The following ESAM variants were observed in gnomAD, a reference collection of about 807,000 sequenced individuals.
ESAM encodes endothelial cell-selective adhesion molecule.
ESAM carries 23 observed loss-of-function variants against 31.8 expected under a neutral mutation model. The ratio of observed to expected loss-of-function variants is 0.72; its 90% CI spans 0.52 to 1.03. ESAM has a LOEUF of 1.03. Among genes scored for constraint, ESAM ranks in the 50% least tolerant of loss-of-function variants. The pLI, the probability that ESAM is intolerant of heterozygous loss-of-function variation, is 0.00. For missense variants in ESAM, 478 were observed against 488.9 expected (o/e 0.98, Z 0.21); for synonymous variants, 216 against 207.2 (o/e 1.04, Z -0.37).
At position 124,758,324 on chromosome 11, in the gene ESAM, T is replaced by G. The variant is rs748119305; in HGVS notation, c.249+25A>C. ...ACCCCCTCTGGGCGCAACTTGCCGC[T>G]GGCTGACAGGCGTTCTTCCCTCACC... On this transcript the variant is annotated intron_variant, in intron 2 of 6. Coordinates refer to ENST00000278927, the MANE Select transcript of ESAM (RefSeq NM_138961.3). 8 of 1,613,864 alleles carry G rather than the reference T, an allele frequency of 5.0e-6. No homozygotes were observed. The East Asian group carries it at 1.3e-4, about 27-fold the overall frequency.
chr11:124,760,641 C>T (rs532107963), intron 1 of ESAM, among the ~76,000 whole-genome samples: 2 of 152,350 alleles, frequency 1.3e-5, no homozygotes, highest in Non-Finnish European at 2.9e-5. Flanking sequence ...AACTGGGCAA[C>T]CCCCCAGGGG....
At chr11:124,758,889 T>C (rs1012317267) in intron 1 of ESAM, among the ~76,000 whole-genome samples, 2 of 152,194 alleles carry the variant, frequency 1.3e-5, no homozygotes, top group African/African-American at 4.8e-5. Flanking sequence ...ACTGTTTCTG[T>C]CGTACGCGCC....
At chr11:124,760,212 C>T (rs146380805) in intron 1 of ESAM, among the ~76,000 whole-genome samples, 2 of 152,362 alleles carry the variant, frequency 1.3e-5, no homozygotes, top group East Asian at 3.9e-4. Context: ...GGCTTTTCTG[C>T]TCTCCCTCCT....
chr11:124,754,416 C>T lies in ESAM; in HGVS notation c.731-76G>A. ...CCCTCTCCAATCCCACTCTCCCCACCCCATCTGCCACCATACACATTCCCT... is the reference window on the plus strand; with the variant it reads ...CCCTCTCCAATCCCACTCTCCCCACTCCATCTGCCACCATACACATTCCCT... On this transcript the variant is annotated intron_variant, in intron 5 of 6. Coordinates refer to ENST00000278927, the MANE Select transcript of ESAM (RefSeq NM_138961.3). The surrounding 1 kb of genome is among the most constrained non-coding windows in gnomAD (Gnocchi z 4.5). 1.3e-6 allele frequency: 2 copies of T among 1,563,112 alleles called. No homozygotes were observed. Among genetic ancestry groups the T allele is most frequent in the Middle Eastern group, 1.7e-4 (1 of 5,824 alleles).
rs1262788847 is a variant in ESAM at position 124,753,920 on chromosome 11, CTCT to C, written c.896_898del (p.Lys299del). The C allele has an allele frequency of 1.9e-6, 3 of 1,613,994 alleles. No individual in the cohort carries two copies. The highest frequency in any genetic ancestry group is 2.5e-6 in the Non-Finnish European group (3 of 1,180,014). ...CCCATTCTTGGAGATTGTGTCTGAGCTCTTGGGCCAGGGCAGGGTCCGGGGAGC... is the reference window on the plus strand; with the variant it reads ...CCCATTCTTGGAGATTGTGTCTGAGCTGGGCCAGGGCAGGGTCCGGGGAGC... On this transcript the variant is annotated inframe_deletion, in exon 7 of 7. Transcript: ENST00000278927.
At position 124,758,450 on chromosome 11, in the gene ESAM, GCAC is replaced by G; in HGVS notation, c.145_147del (p.Val49del). 6.2e-7 allele frequency: 1 copy of G among 1,613,764 alleles called. No homozygotes were observed. The highest frequency in any genetic ancestry group is 8.5e-7 in the Non-Finnish European group (1 of 1,179,860). On this transcript the variant is annotated inframe_deletion, in exon 2 of 7. Coordinates refer to ENST00000278927, the MANE Select transcript of ESAM (RefSeq NM_138961.3). ...CCGTGCAAGGTGTACCACGCTGGAA[GCAC>G]CACTTCCCCTCCCTCCACCGCCTGC...
In ESAM at chr11:124,753,846, G is replaced by A; in HGVS notation, c.973C>T (p.Pro325Ser). The change falls in exon 7 of 7, where the codon CCT becomes TCT. Residue 325 changes from proline (P) to serine (S), a missense_variant. Coordinates refer to ENST00000278927, the MANE Select transcript of ESAM (RefSeq NM_138961.3). ...GGGGTCAATGCACCAGGCCTGGGAGGGCCATGGGGTGGCCGGAGGGCTCGT... is the reference window on the plus strand; with the variant it reads ...GGGGTCAATGCACCAGGCCTGGGAGAGCCATGGGGTGGCCGGAGGGCTCGT... ...SARALRPPHG[P>S]PRPGALTPTP... is the part of the protein sequence containing the mutation. 14 of 1,613,780 alleles carry A rather than the reference G, an allele frequency of 8.7e-6. No individual in the cohort carries two copies. The highest frequency in any genetic ancestry group is 1.2e-5 in the Non-Finnish European group (14 of 1,179,866).
At chr11:124,756,925 C>G (rs1279007236) in intron 2 of ESAM, 183 bp from the exon 3 acceptor site, 8 of 622,246 alleles carry the variant, frequency 1.3e-5, no homozygotes, top group Non-Finnish European at 2.0e-5. Context: ...CCCCTGGGTC[C>G]TCTTCACCAG....
chr11:124,754,011 G>A lies in ESAM; in HGVS notation c.858-50C>T, dbSNP rs369000673. On this transcript the variant is annotated intron_variant, in intron 6 of 6. Coordinates refer to ENST00000278927, the MANE Select transcript of ESAM (RefSeq NM_138961.3). This position sits in a 1 kb window ranked among gnomAD's most constrained non-coding sequence, Gnocchi z 4.5. Reference sequence around the variant, plus strand: ...GGTCAGAAGTGGGTGGGGGAAGGAGGAGAGAGTTTCTACCTGCTTGGTCTT... The same window carrying A: ...GGTCAGAAGTGGGTGGGGGAAGGAGAAGAGAGTTTCTACCTGCTTGGTCTT... 1.7e-4 allele frequency: 272 copies of A among 1,598,068 alleles called. No homozygotes were observed. Among genetic ancestry groups the A allele is most frequent in the Non-Finnish European group, 2.2e-4 (263 of 1,172,166 alleles).
chr11:124,757,022 A>G, intron 2 of ESAM: 1 of 458,518 alleles, frequency 2.2e-6, no homozygotes, highest in African/African-American at 2.0e-5. Flanking sequence ...GGACATGTAA[A>G]TAGGAGGTAT....
chr11:124,760,752 G>A (rs1056990113), intron 1 of ESAM, among the ~76,000 whole-genome samples: 4 of 152,208 alleles, frequency 2.6e-5, no homozygotes, highest in African/African-American at 9.7e-5. Context: ...GTGAAGCCTG[G>A]GACACTCAGG....
At chr11:124,761,120 T>G (rs1418447928) in intron 1 of ESAM, among the ~76,000 whole-genome samples, 1 of 152,198 alleles carries the variant, frequency 6.6e-6, no homozygotes, top group African/African-American at 2.4e-5. Context: ...TTCCCAGGCC[T>G]TACTTGTCCT....
rs765707283 is a variant in ESAM at position 124,756,601 on chromosome 11, GCACATT to G, written c.385_390del (p.Asn129_Val130del). The G allele has an allele frequency of 6.2e-7, 1 of 1,614,122 alleles. No homozygotes were observed. Among genetic ancestry groups the G allele is most frequent in the Non-Finnish European group, 8.5e-7 (1 of 1,180,028 alleles). On this transcript the variant is annotated inframe_deletion, in exon 3 of 7. Transcript: ENST00000278927. ...CCCCTAGATTTGCCTTGTTTGTCTT[GCACATT>G]CACGGAGCAGCTGTAGGGGCCAGAG... is the stretch of plus-strand genomic sequence containing the variant.
chr11:124,756,200 T>C lies in ESAM; in HGVS notation c.607+7A>G, dbSNP rs368969134. The stretch of plus-strand genomic sequence containing the variant: ...ACAGTGTCCACTGTTTCCAGTAGTG[T>C]CCTCACCTAATGCTGGTGCAAAGAA... On this transcript the variant is annotated splice_region_variant and intron_variant, in intron 4 of 6. Coordinates refer to ENST00000278927, the MANE Select transcript of ESAM (RefSeq NM_138961.3). 3.7e-6 allele frequency: 6 copies of C among 1,613,228 alleles called. No individual in the cohort carries two copies. Among genetic ancestry groups the C allele is most frequent in the Non-Finnish European group, 5.1e-6 (6 of 1,179,958 alleles).
At chr11:124,758,253 C>G (rs1944179801) in intron 2 of ESAM, 96 bp downstream of exon 2, 4 of 1,438,582 alleles carry the variant, frequency 2.8e-6, no homozygotes, top group African/African-American at 1.4e-5. Context: ...TCCCCGGCCC[C>G]CATTCCCTCT....
intron 2 of ESAM, chr11:124,757,542 A>T (rs894070199): frequency 1.3e-5 from 2 of 152,180 alleles, no homozygotes; most frequent in African/African-American, 4.8e-5. Flanking sequence ...GTCAAAACAG[A>T]TGGGTGGGAG....
Position 124,753,950 on chromosome 11 carries a change from A to AT in ESAM, c.868dup (p.Ile290AsnfsTer110). On this transcript the variant is annotated frameshift_variant, in exon 7 of 7. Transcript: ENST00000278927. LOFTEE classifies it high-confidence loss of function. ...GGGCCAGGGCAGGGTCCGGGGAGCA[A>AT]TGGCATCCTCCCTAGTCATCAAAGA... 1 of 1,613,506 alleles carries AT rather than the reference A, an allele frequency of 6.2e-7. No homozygotes were observed. The highest frequency in any genetic ancestry group is 8.5e-7 in the Non-Finnish European group (1 of 1,179,914).
chr11:124,753,139 A>G lies in ESAM; in HGVS notation c.*507T>C, dbSNP rs12276189. On this transcript the variant is annotated 3_prime_UTR_variant, in exon 7 of 7. Coordinates refer to ENST00000278927, the MANE Select transcript of ESAM (RefSeq NM_138961.3). ...AAAGGCAACTTGTTTCTTATCTCAT[A>G]CAAACATTATGTATCTTTATTTAAA... 0.017 allele frequency: 2,840 copies of G among 166,304 alleles called. 106 individuals carry two copies. Among genetic ancestry groups the G allele is most frequent in the African/African-American group, 0.063 (2,652 of 41,892 alleles). The allele number at this position is 166,304 out of a possible 1,614,324, so 10.3% of individuals were successfully genotyped here.
chr11:124,758,397 C>G lies in ESAM; in HGVS notation c.201G>C (p.Glu67Asp). ...TGAAGAACCACATCACAAAGGGCACCTCCCATGGCTGGGATGAAGACACCT... is the reference window on the plus strand; with the variant it reads ...TGAAGAACCACATCACAAAGGGCACGTCCCATGGCTGGGATGAAGACACCT... Reference protein sequence around the residue: ...HGEVSSSQPWEVPFVMWFFKQ... With the variant: ...HGEVSSSQPWDVPFVMWFFKQ... The change falls in exon 2 of 7, where the codon GAG (glutamate) becomes GAC (aspartate). Residue 67 changes from glutamate (E) to aspartate (D), a missense_variant. Glu to Asp is a conservative substitution (Grantham distance 45). Coordinates refer to ENST00000278927, the MANE Select transcript of ESAM (RefSeq NM_138961.3). 6.2e-7 allele frequency: 1 copy of G among 1,614,212 alleles called. No homozygotes were observed. Among genetic ancestry groups the G allele is most frequent in the African/African-American group, 1.3e-5 (1 of 75,066 alleles).
Sources: gnomAD v4.1 joint callset for allele counts (sites outside exome capture counted in the v4.1 genomes callset) on GRCh38, gnomAD v4.1.1 for gene constraint, Gnocchi (gnomAD v3.1) non-coding constraint, MANE v1.5 for transcripts, NCBI Gene and HGNC (gene_info 2026-07-23, HGNC 2026-07-21) for gene names.